UST: variants seen among roughly 807,000 people sequenced by gnomAD.
The protein encoded by UST is uronyl 2-sulfotransferase.
UST carries 21 observed loss-of-function variants against 45.6 expected under a neutral mutation model. That is an observed-to-expected ratio of 0.46 (90% confidence interval 0.33 to 0.66). The LOEUF is 0.66. Ranked by LOEUF, UST falls within the 30% of genes least tolerant of loss-of-function variation. The pLI is 0.02. For missense variants in UST, 463 were observed against 512.4 expected, an observed-to-expected ratio of 0.90 and a Z score of 0.93; for synonymous variants, 215 against 200.6, an observed-to-expected ratio of 1.07 and a Z score of -0.61.
intron 1 of UST, among the ~76,000 whole-genome samples, chr6:148,854,941 A>G (rs1778173897): frequency 6.6e-6 from 1 of 152,000 alleles, no homozygotes; most frequent in Non-Finnish European, 1.5e-5. Flanking sequence ...TACAAAAGAA[A>G]GAGGTTTAAT....
intron 1 of UST, among the ~76,000 whole-genome samples, chr6:148,826,177 A>G (rs772308138): frequency 1.1e-4 from 17 of 152,122 alleles, no homozygotes; most frequent in Admixed American, 6.5e-5. Context: ...CAGTGGTGCA[A>G]TCTCCACCCA....
intron 1 of UST, among the ~76,000 whole-genome samples, chr6:148,867,608 G>A (rs111868922): frequency 0.16 from 24,002 of 152,034 alleles, 2,306 homozygotes; most frequent in East Asian, 0.41. Context: ...AATAAGTCTC[G>A]TGAGATCTGA....
chr6:149,069,996 G>A (rs1300142274), intron 7 of UST, among the ~76,000 whole-genome samples: 2 of 152,334 alleles, frequency 1.3e-5, no homozygotes, highest in East Asian at 3.9e-4. Context: ...AAATAGAACA[G>A]ATTTCCAAAT....
chr6:148,823,253 A>T (rs1777500058), intron 1 of UST, among the ~76,000 whole-genome samples: 1 of 152,262 alleles, frequency 6.6e-6, no homozygotes, highest in African/African-American at 2.4e-5. Context: ...AGAATGATTT[A>T]GAAAGATTTT....
At position 148,813,859 on chromosome 6, in the gene UST, T is replaced by C. The variant is rs1014161771; in HGVS notation, c.247+66182T>C. ...ATCAGGCAATTTTTGAAGCCTTTAT[T>C]ACAATCTGTGAACTAATTTAATATG... On this transcript the variant is annotated intron_variant, in intron 1 of 7. Coordinates refer to ENST00000367463, the MANE Select transcript of UST (RefSeq NM_005715.3). Among the ~76,000 whole-genome samples, 30 of 152,200 alleles carry C rather than the reference T, an allele frequency of 2.0e-4. 1 individual carries two copies. Among genetic ancestry groups the C allele is most frequent in the Non-Finnish European group, 4.4e-5 (3 of 68,038 alleles).
chr6:148,791,933 C>G (rs950132036), intron 1 of UST, among the ~76,000 whole-genome samples: 1 of 152,170 alleles, frequency 6.6e-6, no homozygotes, highest in Non-Finnish European at 1.5e-5. Flanking sequence ...TAAGCTTGCA[C>G]ACTTACTTTA....
intron 2 of UST, among the ~76,000 whole-genome samples, chr6:148,908,298 T>C (rs1562296359): frequency 6.6e-6 from 1 of 152,224 alleles, no homozygotes; most frequent in Non-Finnish European, 1.5e-5. Flanking sequence ...GTATATATAG[T>C]ATATTTTTAA....
intron 1 of UST, among the ~76,000 whole-genome samples, chr6:148,840,092 A>G (rs1777861352): frequency 6.6e-6 from 1 of 152,194 alleles, no homozygotes; most frequent in Non-Finnish European, 1.5e-5. Context: ...ATCTAATACA[A>G]GAGGTTTGGT....
At chr6:148,917,696 A>G (rs970541073) in intron 2 of UST, among the ~76,000 whole-genome samples, 4 of 152,150 alleles carry the variant, frequency 2.6e-5, no homozygotes, top group African/African-American at 9.7e-5. Flanking sequence ...TGCTGGGGCT[A>G]TGTGGGGGCA....
chr6:148,896,460 C>A (rs569297954), intron 2 of UST, among the ~76,000 whole-genome samples: 1 of 152,294 alleles, frequency 6.6e-6, no homozygotes, highest in East Asian at 1.9e-4. Context: ...GAGGGTGCCC[C>A]TGGTTCCACG....
At chr6:148,912,690 A>G (rs2114881209) in intron 2 of UST, among the ~76,000 whole-genome samples, 1 of 152,240 alleles carries the variant, frequency 6.6e-6, no homozygotes, top group East Asian at 1.9e-4. Context: ...GGTGTGGTAG[A>G]TTATTCCCAA....
In UST at chr6:148,822,889, T is replaced by G. The variant is rs531583632; in HGVS notation, c.248-64097T>G. Reference sequence around the variant, plus strand: ...AGAATAAATAAGATTTTAATTGTTTTTATTAATAAATTAAATAACCTAACC... The same window carrying G: ...AGAATAAATAAGATTTTAATTGTTTGTATTAATAAATTAAATAACCTAACC... On this transcript the variant is annotated intron_variant, in intron 1 of 7. Transcript: ENST00000367463. Among the ~76,000 whole-genome samples the G allele has an allele frequency of 5.9e-5, 9 of 152,358 alleles. 1 individual carries two copies. The South Asian group carries it at 1.9e-3, about 32-fold the overall frequency.
intron 1 of UST, among the ~76,000 whole-genome samples, chr6:148,863,978 CTGTT>C (rs1778372450): frequency 6.6e-6 from 1 of 152,220 alleles, no homozygotes; most frequent in South Asian, 2.1e-4. Context: ...GGCAGTCTGT[CTGTT>C]CTCAGATCTC....
intron 1 of UST, among the ~76,000 whole-genome samples, chr6:148,808,436 G>A (rs560824723): frequency 4.1e-4 from 63 of 152,018 alleles, no homozygotes; most frequent in African/African-American, 1.4e-3. Flanking sequence ...GAGGGGGGTG[G>A]GCTTTCTACT....
chr6:148,998,797 A>G (rs1243189538), intron 5 of UST, among the ~76,000 whole-genome samples: 1 of 152,248 alleles, frequency 6.6e-6, no homozygotes, highest in Non-Finnish European at 1.5e-5. Context: ...GCAGCCCCTT[A>G]TAGGCCGAGG....
chr6:149,047,778 AT>A (rs928560187), intron 7 of UST, among the ~76,000 whole-genome samples: 31 of 149,252 alleles, frequency 2.1e-4, no homozygotes, highest in African/African-American at 5.1e-4. Flanking sequence ...AATTTAAAGT[AT>A]TTTTTTTTAG....
At chr6:149,044,377 C>T (rs1026553653) in intron 7 of UST, among the ~76,000 whole-genome samples, 2 of 152,286 alleles carry the variant, frequency 1.3e-5, no homozygotes, top group African/African-American at 2.4e-5. Context: ...TTATTTGTGG[C>T]CTCCATTATG....
At chr6:148,780,154 G>C (rs570504925) in intron 1 of UST, among the ~76,000 whole-genome samples, 1 of 150,712 alleles carries the variant, frequency 6.6e-6, no homozygotes, top group African/African-American at 2.4e-5. Flanking sequence ...CACTTATGCA[G>C]GAATACCTTG....
chr6:148,959,987 G>C (rs1055686196), intron 4 of UST, among the ~76,000 whole-genome samples: 3 of 151,920 alleles, frequency 2.0e-5, no homozygotes, highest in African/African-American at 7.3e-5. Flanking sequence ...TCCAGCAAAG[G>C]GCCCTTTAAC....
Sources: allele counts gnomAD v4.1 joint callset (sites outside exome capture counted in the v4.1 genomes callset), GRCh38; gene constraint gnomAD v4.1.1; transcripts MANE v1.5; gene names NCBI Gene and HGNC (gene_info 2026-07-23, HGNC 2026-07-21).